Variants in CAMKMT observed in about 807,000 individuals in gnomAD.
CAMKMT encodes CaM KMT.
CAMKMT carries 53 observed loss-of-function variants against 48.0 expected under a neutral mutation model. The observed-to-expected ratio is 1.10, with a 90% CI of 0.89 to 1.39. The LOEUF is 1.39. CAMKMT is among the 40% of genes most tolerant of loss of function. The pLI is 0.00. For synonymous variants in CAMKMT, 165 were observed against 152.3 expected (o/e 1.08, Z -0.61); for missense variants, 428 against 402.7 (o/e 1.06, Z -0.54).
At position 44,657,314 on chromosome 2, in the gene CAMKMT, G is replaced by T. The variant is rs984364825; in HGVS notation, c.377-46969G>T. On this transcript the variant is annotated intron_variant, in intron 3 of 10. Coordinates refer to ENST00000378494, the MANE Select transcript of CAMKMT (RefSeq NM_024766.5). This position sits in a 1 kb window ranked among gnomAD's most constrained non-coding sequence, Gnocchi z 4.3. ...TGTTGCACAAGTTAATTGATTTTCAGTGGTTACATATAACATATCAATGTC... is the reference window on the plus strand; with the variant it reads ...TGTTGCACAAGTTAATTGATTTTCATTGGTTACATATAACATATCAATGTC... Among the ~76,000 whole-genome samples the T allele has an allele frequency of 1.3e-5, 2 of 152,194 alleles. No individual in the cohort carries two copies. The highest frequency in any genetic ancestry group is 6.5e-5 in the Admixed American group (1 of 15,290).
At chr2:44,480,986 T>G (rs1668938437) in intron 3 of CAMKMT, among the ~76,000 whole-genome samples, 1 of 152,046 alleles carries the variant, frequency 6.6e-6, no homozygotes, top group Non-Finnish European at 1.5e-5. Flanking sequence ...GCCTATACTT[T>G]CTATCATCCA....
At chr2:44,656,284 A>C (rs1235151021) in intron 3 of CAMKMT, among the ~76,000 whole-genome samples, 1 of 152,210 alleles carries the variant, frequency 6.6e-6, no homozygotes, top group Non-Finnish European at 1.5e-5. Flanking sequence ...GTGTTTTACC[A>C]AATCATTTCT....
chr2:44,732,019 A>G (rs1437325503), intron 7 of CAMKMT, among the ~76,000 whole-genome samples: 1 of 152,220 alleles, frequency 6.6e-6, no homozygotes, highest in African/African-American at 2.4e-5. Flanking sequence ...TGGCAAGATC[A>G]TAGCTCACTG....
chr2:44,561,011 G>T (rs1668295063), intron 3 of CAMKMT, among the ~76,000 whole-genome samples: 1 of 152,194 alleles, frequency 6.6e-6, no homozygotes, highest in Admixed American at 6.5e-5. Context: ...GAATTGATAA[G>T]TATAGCTGCC....
intron 3 of CAMKMT, chr2:44,631,476 A>ATT: frequency 3.3e-6 from 2 of 598,034 alleles, no homozygotes; most frequent in East Asian, 3.1e-5. Context: ...ACAATTTTTT[A>ATT]TTTTTTTTGT....
intron 3 of CAMKMT, among the ~76,000 whole-genome samples, chr2:44,396,928 G>A (rs1289104396): frequency 1.3e-5 from 2 of 151,650 alleles, no homozygotes; most frequent in Non-Finnish European, 2.9e-5. Flanking sequence ...GCGTAGTGGC[G>A]TGAGGCTGTA....
intron 3 of CAMKMT, among the ~76,000 whole-genome samples, chr2:44,396,003 T>A (rs1319723178): frequency 6.6e-6 from 1 of 152,140 alleles, no homozygotes; most frequent in East Asian, 1.9e-4. Context: ...ATGATGAAGA[T>A]ACAATTTTAG....
At position 44,381,657 on chromosome 2, in the gene CAMKMT, ATTAC is replaced by A. The variant is rs1203494151; in HGVS notation, c.312-8580_312-8577del. 7.2e-5 allele frequency among the ~76,000 whole-genome samples: 11 copies of A among 152,346 alleles called. No homozygotes were observed. The South Asian group carries it at 1.0e-3, about 14-fold the overall frequency. Reference sequence around the variant, plus strand: ...AGCCATTAAAATCATATTATGGGATATTACTTAATGATGTGGGAAACTGTTTATA... The same window carrying A: ...AGCCATTAAAATCATATTATGGGATATTAATGATGTGGGAAACTGTTTATA... On this transcript the variant is annotated intron_variant, in intron 2 of 10. Coordinates refer to ENST00000378494, the MANE Select transcript of CAMKMT (RefSeq NM_024766.5).
chr2:44,388,879 A>C (rs1052899566), intron 2 of CAMKMT, among the ~76,000 whole-genome samples: 3 of 151,938 alleles, frequency 2.0e-5, no homozygotes, highest in Non-Finnish European at 4.4e-5. Context: ...TTAGCTGTGG[A>C]TACTAGTGCC....
At chr2:44,463,657 C>G (rs1423421743) in intron 3 of CAMKMT, among the ~76,000 whole-genome samples, 1 of 152,090 alleles carries the variant, frequency 6.6e-6, no homozygotes, top group East Asian at 1.9e-4. Flanking sequence ...AACTTAGTAG[C>G]TTTTTGCAGC....
intron 1 of CAMKMT, among the ~76,000 whole-genome samples, chr2:44,370,693 C>T (rs1038094945): frequency 6.6e-6 from 1 of 152,118 alleles, no homozygotes; most frequent in African/African-American, 2.4e-5. Context: ...CAAATTTTTG[C>T]AATGAATGCT....
At chr2:44,728,736 T>C (rs1678922662) in intron 7 of CAMKMT, among the ~76,000 whole-genome samples, 1 of 152,138 alleles carries the variant, frequency 6.6e-6, no homozygotes, top group African/African-American at 2.4e-5. Context: ...GGATCTCTTA[T>C]ATTTCTGTGG....
intron 4 of CAMKMT, chr2:44,705,555 C>T (rs548854309): frequency 3.2e-5 from 31 of 983,266 alleles, no homozygotes; most frequent in Admixed American, 6.1e-5. Context: ...CAGAGTGCCA[C>T]CCTAGACTGT....
At chr2:44,419,372 G>A (rs1010482563) in intron 3 of CAMKMT, among the ~76,000 whole-genome samples, 3 of 152,156 alleles carry the variant, frequency 2.0e-5, no homozygotes, top group Non-Finnish European at 4.4e-5. Flanking sequence ...TGGAAGGTAC[G>A]ATGGCAGCTT....
At chr2:44,592,914 A>G (rs1670393908) in intron 3 of CAMKMT, among the ~76,000 whole-genome samples, 1 of 152,224 alleles carries the variant, frequency 6.6e-6, no homozygotes, top group South Asian at 2.1e-4. Flanking sequence ...TGTGTTCTAT[A>G]AATGTCAATT....
chr2:44,538,065 C>T (rs531037690), intron 3 of CAMKMT, among the ~76,000 whole-genome samples: 15 of 152,250 alleles, frequency 9.9e-5, no homozygotes, highest in African/African-American at 3.4e-4. Context: ...GCCCACCAAT[C>T]AATGAGCAGA....
chr2:44,597,043 A>T (rs559252887), intron 3 of CAMKMT, among the ~76,000 whole-genome samples: 3 of 152,262 alleles, frequency 2.0e-5, no homozygotes, highest in Admixed American at 2.0e-4. Flanking sequence ...ATTTGCTTTG[A>T]TAAAGTCACC....
chr2:44,454,297 C>T (rs1346476672), intron 3 of CAMKMT, among the ~76,000 whole-genome samples: 1 of 152,086 alleles, frequency 6.6e-6, no homozygotes, highest in African/African-American at 2.4e-5. Flanking sequence ...TCAGGTTCAA[C>T]GTTGTGCATT....
At chr2:44,681,147 C>T (rs1259443917) in intron 3 of CAMKMT, among the ~76,000 whole-genome samples, 1 of 152,152 alleles carries the variant, frequency 6.6e-6, no homozygotes, top group South Asian at 2.1e-4. Flanking sequence ...TGGTAGACAA[C>T]AAGAGGCAGG....
Sources: gnomAD v4.1 joint callset for allele counts (sites outside exome capture counted in the v4.1 genomes callset) on GRCh38, gnomAD v4.1.1 for gene constraint, Gnocchi (gnomAD v3.1) non-coding constraint, MANE v1.5 for transcripts, NCBI Gene and HGNC (gene_info 2026-07-23, HGNC 2026-07-21) for gene names.